RBFOX1: variants seen among roughly 807,000 people sequenced by gnomAD.
RBFOX1 encodes the protein RNA binding fox-1 homolog 1.
RBFOX1 carries 8 observed loss-of-function variants against 57.7 expected under a neutral mutation model. That is an observed-to-expected ratio of 0.14 (90% confidence interval 0.08 to 0.25). RBFOX1 has a LOEUF of 0.25. Among genes scored for constraint, RBFOX1 ranks in the 10% least tolerant of loss-of-function variants. RBFOX1 has a pLI of 1.00. For synonymous variants in RBFOX1, 326 were observed against 222.4 expected, an observed-to-expected ratio of 1.47 and a Z score of -4.15; for missense variants, 611 against 548.5, an observed-to-expected ratio of 1.11 and a Z score of -1.14.
intron 4 of RBFOX1, among the ~76,000 whole-genome samples, chr16:7,098,085 A>G (rs1008926842): frequency 6.6e-6 from 1 of 152,238 alleles, no homozygotes; most frequent in Non-Finnish European, 1.5e-5. Context: ...GGCTAATCAA[A>G]CAGGCAAGTG....
chr16:6,948,611 A>T (rs1598115381), intron 3 of RBFOX1, among the ~76,000 whole-genome samples: 1 of 151,818 alleles, frequency 6.6e-6, no homozygotes, highest in African/African-American at 2.4e-5. Flanking sequence ...TGAACTGCTG[A>T]CTTCAAATGA....
intron 4 of RBFOX1, among the ~76,000 whole-genome samples, chr16:5,908,543 C>T (rs34291200): frequency 2.0e-5 from 3 of 151,290 alleles, no homozygotes; most frequent in South Asian, 2.1e-4. Context: ...AGTAGAGAAG[C>T]GTTTTCACCA....
chr16:7,691,996 C>A lies in RBFOX1; in HGVS notation c.995+15158C>A, dbSNP rs1037730145. Among the ~76,000 whole-genome samples the A allele has an allele frequency of 5.3e-5, 8 of 152,258 alleles. No individual in the cohort carries two copies. In the East Asian group the frequency reaches 1.2e-3, roughly 22 times the overall value. ...GTTAGGAATTCCCGTGTTATTGCCCCTTCTATAAGTCAAAGGTGAGTAAGT... is the reference window on the plus strand; with the variant it reads ...GTTAGGAATTCCCGTGTTATTGCCCATTCTATAAGTCAAAGGTGAGTAAGT... On this transcript the variant is annotated intron_variant, in intron 14 of 15. Transcript: ENST00000550418.
At chr16:5,761,131 T>C (rs976016564) in intron 3 of RBFOX1, among the ~76,000 whole-genome samples, 2 of 152,118 alleles carry the variant, frequency 1.3e-5, no homozygotes, top group African/African-American at 2.4e-5. Context: ...GAAGGGGTAG[T>C]GTTTCAAGCA....
rs112308660 is a variant in RBFOX1, at chr16:7,402,561, G to A, written c.28-115586G>A. 5.9e-5 allele frequency among the ~76,000 whole-genome samples: 9 copies of A among 152,234 alleles called. No individual in the cohort carries two copies. The South Asian group carries it at 1.0e-3, about 18-fold the overall frequency. On this transcript the variant is annotated intron_variant, in intron 4 of 15. Coordinates refer to ENST00000550418, the MANE Select transcript of RBFOX1 (RefSeq NM_018723.4). ...ACAGACTTCAAAGTATGTGAACTTTGGTAGTGGAAAGATGATTATTCCTTG... is the reference window on the plus strand; with the variant it reads ...ACAGACTTCAAAGTATGTGAACTTTAGTAGTGGAAAGATGATTATTCCTTG...
At chr16:6,797,103 C>G (rs754484413) in intron 3 of RBFOX1, among the ~76,000 whole-genome samples, 8 of 152,150 alleles carry the variant, frequency 5.3e-5, no homozygotes, top group African/African-American at 9.7e-5. Context: ...GATCCTCCCA[C>G]AGGTAGAAGG....
chr16:6,647,397 A>C (rs184176566), intron 2 of RBFOX1, among the ~76,000 whole-genome samples: 156 of 152,180 alleles, frequency 1.0e-3, no homozygotes, highest in African/African-American at 3.1e-3. Context: ...GATGCCCACC[A>C]CCATGCCTGG....
chr16:5,666,955 G>A (rs1003128739), intron 3 of RBFOX1, among the ~76,000 whole-genome samples: 1 of 152,108 alleles, frequency 6.6e-6, no homozygotes, highest in Non-Finnish European at 1.5e-5. Context: ...CCAGACACAT[G>A]AAGAAAAAAA....
chr16:6,080,212 C>T (rs6500748), intron 1 of RBFOX1, among the ~76,000 whole-genome samples: 97,374 of 151,822 alleles, frequency 0.64, 32,335 homozygotes, highest in Non-Finnish European at 0.75. Context: ...GGCGCTGATC[C>T]GTGGTTTCCT....
intron 3 of RBFOX1, among the ~76,000 whole-genome samples, chr16:6,728,182 G>A (rs2067684707): frequency 6.6e-6 from 1 of 152,136 alleles, no homozygotes; most frequent in Non-Finnish European, 1.5e-5. Context: ...ATTACTTCAA[G>A]CAGTGTCACT....
chr16:7,608,978 C>T (rs1056993467), intron 10 of RBFOX1, among the ~76,000 whole-genome samples: 4 of 151,850 alleles, frequency 2.6e-5, no homozygotes, highest in South Asian at 2.1e-4. Context: ...TTTCTGGGAT[C>T]GGGGGCATGG....
downstream of RBFOX1, among the ~76,000 whole-genome samples, chr16:5,603,772 G>A (rs1170698800): frequency 6.6e-6 from 1 of 152,196 alleles, no homozygotes; most frequent in Non-Finnish European, 1.5e-5. Context: ...GCCACAAGAT[G>A]GAGAGGCACT....
At chr16:6,001,740 C>G (rs1271923246) in intron 4 of RBFOX1, among the ~76,000 whole-genome samples, 2 of 152,114 alleles carry the variant, frequency 1.3e-5, no homozygotes, top group Non-Finnish European at 2.9e-5. Flanking sequence ...AAAATATCAA[C>G]TCTATAAGAG....
chr16:6,882,728 A>G (rs1421973069), intron 3 of RBFOX1, among the ~76,000 whole-genome samples: 4 of 152,140 alleles, frequency 2.6e-5, no homozygotes, highest in African/African-American at 9.7e-5. Flanking sequence ...TGACATAACC[A>G]ACGGCAACCA....
intron 4 of RBFOX1, among the ~76,000 whole-genome samples, chr16:7,062,334 A>AAAAG (rs2054607148): frequency 2.1e-5 from 3 of 143,724 alleles, no homozygotes; most frequent in African/African-American, 8.0e-5. Flanking sequence ...AAAAAAAAAA[A>AAAAG]AAAAGAAAAG....
At position 5,741,346 on chromosome 16, in the gene RBFOX1, A is replaced by G. The variant is rs367976576; in HGVS notation, c.319-125957A>G. On this transcript the variant is annotated intron_variant, in intron 3 of 19. Transcript: ENST00000641259. ...ATTCCCAAGGCAAAGGGTCATTAAT[A>G]TCATCATCTCCATCTTCTTTAATGC... Among the ~76,000 whole-genome samples the G allele has an allele frequency of 1.8e-4, 27 of 152,308 alleles. 1 individual carries two copies. The East Asian group carries it at 3.1e-3, about 17-fold the overall frequency.
At chr16:7,481,772 G>T (rs574235898) in intron 4 of RBFOX1, among the ~76,000 whole-genome samples, 1 of 152,226 alleles carries the variant, frequency 6.6e-6, no homozygotes, top group South Asian at 2.1e-4. Flanking sequence ...AGTCAAAAAT[G>T]CACTTAACAC....
chr16:7,040,786 C>G (rs772721175), intron 3 of RBFOX1, among the ~76,000 whole-genome samples: 6 of 152,186 alleles, frequency 3.9e-5, no homozygotes, highest in Non-Finnish European at 8.8e-5. Flanking sequence ...TGAAATCATT[C>G]ATTTTCTAAT....
At chr16:6,906,646 C>T (rs2070042662) in intron 3 of RBFOX1, among the ~76,000 whole-genome samples, 1 of 151,894 alleles carries the variant, frequency 6.6e-6, no homozygotes, top group Non-Finnish European at 1.5e-5. Context: ...ACAGCGTTTT[C>T]TTCATCTCTG....
Sources: gnomAD v4.1 joint callset for allele counts (sites outside exome capture counted in the v4.1 genomes callset) on GRCh38, gnomAD v4.1.1 for gene constraint, MANE v1.5 for transcripts, NCBI Gene and HGNC (gene_info 2026-07-23, HGNC 2026-07-21) for gene names.